Variants in NCKAP5 observed in about 807,000 individuals in gnomAD.
NCKAP5 encodes NCK associated protein 5, also known as nck-associated protein 5.
In NCKAP5, 92 loss-of-function variants were observed where a neutral mutation model predicts 167.0. The observed-to-expected ratio is 0.55, with a 90% CI of 0.47 to 0.66. The LOEUF (loss-of-function observed/expected upper bound fraction) is 0.66, where lower values mean the gene tolerates loss of function less well. Among genes scored for constraint, NCKAP5 ranks in the 30% least tolerant of loss-of-function variants. The pLI is 0.00. For missense variants in NCKAP5, 2,378 were observed against 2,315.0 expected (o/e 1.03, Z -0.56); for synonymous variants, 891 against 877.4 (o/e 1.02, Z -0.27).
chr2:133,474,163 C>CTATCT lies in NCKAP5; in HGVS notation c.69+43294_69+43295insAGATA, dbSNP rs1679638271. Among the ~76,000 whole-genome samples, 9 of 131,536 alleles carry CTATCT rather than the reference C, an allele frequency of 6.8e-5. 1 individual carries two copies. The East Asian group carries it at 1.2e-3, about 17-fold the overall frequency. 86.3% of individuals were successfully genotyped at this position (131,536 alleles called of 152,430 possible). Reference sequence around the variant, plus strand: ...ATCTATCTATCTATCTATACACACACACACACACACACACGTACATACATA... The same window carrying CTATCT: ...ATCTATCTATCTATCTATACACACACTATCTACACACACACACACGTACATACATA... On this transcript the variant is annotated intron_variant, in intron 3 of 19. Transcript: ENST00000409261.
chr2:133,008,017 G>A (rs573560506), intron 6 of NCKAP5, among the ~76,000 whole-genome samples: 55 of 152,160 alleles, frequency 3.6e-4, no homozygotes, highest in Non-Finnish European at 6.5e-4. Context: ...GTGCTAATAT[G>A]CTGTCTTCTA....
chr2:133,410,463 C>T (rs1296348153), intron 3 of NCKAP5, among the ~76,000 whole-genome samples: 1 of 152,338 alleles, frequency 6.6e-6, no homozygotes, highest in Non-Finnish European at 1.5e-5. Context: ...AATAATCATA[C>T]TTACATCAAA....
chr2:132,758,173 G>C (rs1388035360), intron 16 of NCKAP5, among the ~76,000 whole-genome samples: 3 of 152,156 alleles, frequency 2.0e-5, no homozygotes, highest in African/African-American at 2.4e-5. Context: ...CAAGAGACTG[G>C]TGCTGTGATG....
chr2:133,308,940 G>C (rs1274374800), intron 3 of NCKAP5, among the ~76,000 whole-genome samples: 1 of 150,922 alleles, frequency 6.6e-6, no homozygotes, highest in Admixed American at 6.6e-5. Flanking sequence ...TCGATCTCCT[G>C]ACCTCATGAT....
intron 6 of NCKAP5, among the ~76,000 whole-genome samples, chr2:133,056,914 G>A (rs1324389408): frequency 6.6e-6 from 1 of 152,074 alleles, no homozygotes; most frequent in Non-Finnish European, 1.5e-5. Flanking sequence ...CAAATCAATG[G>A]TTTGTGGCAA....
chr2:133,426,311 G>T (rs769770982), intron 3 of NCKAP5, among the ~76,000 whole-genome samples: 6 of 151,568 alleles, frequency 4.0e-5, no homozygotes, highest in Non-Finnish European at 8.8e-5. Flanking sequence ...ATACAACAAT[G>T]GAGAACACCT....
At chr2:133,380,835 C>T (rs954894571) in intron 3 of NCKAP5, among the ~76,000 whole-genome samples, 2 of 152,134 alleles carry the variant, frequency 1.3e-5, no homozygotes, top group African/African-American at 4.8e-5. Flanking sequence ...AAGACTAACC[C>T]CTGAGTTCCT....
chr2:133,202,884 G>A (rs1236358517), intron 5 of NCKAP5, among the ~76,000 whole-genome samples: 1 of 152,084 alleles, frequency 6.6e-6, no homozygotes, highest in African/African-American at 2.4e-5. Flanking sequence ...AAAAAGTCAG[G>A]AAACAACAGG....
At chr2:133,552,929 G>T (rs1417044685) in intron 2 of NCKAP5, among the ~76,000 whole-genome samples, 1 of 152,100 alleles carries the variant, frequency 6.6e-6, no homozygotes, top group African/African-American at 2.4e-5. Flanking sequence ...GGTATGATGA[G>T]GGCATGAAGC....
intron 6 of NCKAP5, among the ~76,000 whole-genome samples, chr2:133,103,568 A>G (rs1195680652): frequency 6.6e-6 from 1 of 152,140 alleles, no homozygotes; most frequent in Admixed American, 6.5e-5. Context: ...CCACAGTGAG[A>G]GAACCACTTG....
intron 6 of NCKAP5, among the ~76,000 whole-genome samples, chr2:133,073,324 G>A (rs547356582): frequency 1.8e-4 from 27 of 151,928 alleles, no homozygotes; most frequent in Admixed American, 4.6e-4. Context: ...GTTGCAAAAA[G>A]AAAAAAACTA....
In NCKAP5 at chr2:133,403,150, TA is replaced by T. The variant is rs199745269; in HGVS notation, c.70-100041del. On this transcript the variant is annotated intron_variant, in intron 3 of 19. Transcript: ENST00000409261. ...GTACTTCAGACAGCAAAGAAAGTTC[TA>T]GGGTATGATTTAGAAAGTGAGCCTG... 4.6e-3 allele frequency among the ~76,000 whole-genome samples: 697 copies of T among 152,334 alleles called. 8 individuals carry two copies. The highest frequency in any genetic ancestry group is 0.015 in the African/African-American group (615 of 41,564).
chr2:133,560,522 GAGA>G (rs1458292453), intron 1 of NCKAP5, among the ~76,000 whole-genome samples: 1 of 152,170 alleles, frequency 6.6e-6, no homozygotes, highest in Non-Finnish European at 1.5e-5. Flanking sequence ...TCTTTAGGCT[GAGA>G]AGAAGTTGTA....
intron 3 of NCKAP5, among the ~76,000 whole-genome samples, chr2:133,429,504 G>A (rs1690023916): frequency 6.6e-6 from 1 of 151,842 alleles, no homozygotes; most frequent in Non-Finnish European, 1.5e-5. Flanking sequence ...AAGGTCTACT[G>A]TTCCCAGCTG....
At chr2:133,638,024 T>C in the NCKAP5 span, among the ~76,000 whole-genome samples, 1 of 152,110 alleles carries the variant, frequency 6.6e-6, no homozygotes, top group African/African-American at 2.4e-5. Context: ...GCAAAGAAAT[T>C]AAGATTCCGA....
At chr2:133,103,172 A>G (rs1230596109) in intron 6 of NCKAP5, among the ~76,000 whole-genome samples, 3 of 152,210 alleles carry the variant, frequency 2.0e-5, no homozygotes, top group Non-Finnish European at 4.4e-5. Context: ...TCACTTTTCT[A>G]CATGAATGAA....
At chr2:133,621,784 T>G in the NCKAP5 span, among the ~76,000 whole-genome samples, 3 of 152,080 alleles carry the variant, frequency 2.0e-5, no homozygotes, top group Non-Finnish European at 4.4e-5. Flanking sequence ...AATCATTCTA[T>G]GAAGCCAGTA....
At chr2:132,720,732 C>T (rs549762499) in intron 19 of NCKAP5, among the ~76,000 whole-genome samples, 23 of 152,210 alleles carry the variant, frequency 1.5e-4, no homozygotes, top group Admixed American at 1.2e-3. Flanking sequence ...GGAACCGGCC[C>T]GGCACAGTGG....
chr2:133,487,063 G>A (rs543756966), intron 3 of NCKAP5, among the ~76,000 whole-genome samples: 24 of 152,060 alleles, frequency 1.6e-4, no homozygotes, highest in Non-Finnish European at 2.5e-4. Flanking sequence ...AAAATAGCCC[G>A]GACATTTTCC....
Sources: allele counts gnomAD v4.1 joint callset (sites outside exome capture counted in the v4.1 genomes callset), GRCh38; gene constraint gnomAD v4.1.1; transcripts MANE v1.5; gene names NCBI Gene and HGNC (gene_info 2026-07-23, HGNC 2026-07-21).